The following C1GALT1 variants were observed in gnomAD, a reference collection of about 807,000 sequenced individuals.
C1GALT1 encodes the protein glycoprotein-N-acetylgalactosamine 3-beta-galactosyltransferase 1.
Under a neutral mutation model 31.0 loss-of-function variants are expected in C1GALT1, and 11 were observed. The observed-to-expected ratio is 0.36, with a 90% CI of 0.22 to 0.59. The LOEUF is 0.59. Among genes scored for constraint, C1GALT1 ranks in the 20% least tolerant of loss-of-function variants. The probability of loss-of-function intolerance (pLI) is 0.79; values close to 1 mark genes in which losing one functional copy is unlikely to be tolerated. For missense variants in C1GALT1, 424 were observed against 425.2 expected (o/e 1.00, Z 0.03); for synonymous variants, 175 against 143.6 (o/e 1.22, Z -1.56).
intron 2 of C1GALT1, among the ~76,000 whole-genome samples, chr7:7,170,486 A>G (rs1374148132): frequency 6.6e-6 from 1 of 152,206 alleles, no homozygotes; most frequent in East Asian, 1.9e-4. Flanking sequence ...TTTCATTATT[A>G]AACATCTTAT....
intron 1 of C1GALT1, among the ~76,000 whole-genome samples, chr7:7,187,293 A>G (rs905535821): frequency 2.0e-5 from 3 of 150,970 alleles, no homozygotes; most frequent in African/African-American, 7.3e-5. Flanking sequence ...TCTGTCGCCC[A>G]GGCTGGAGTG....
rs33962259 is a variant in C1GALT1 at position 7,206,676 on chromosome 7, C to CA, written c.-18+23870dup. On this transcript the variant is annotated intron_variant, in intron 1 of 3. Transcript: ENST00000436587. Reference sequence around the variant, plus strand: ...GGGCAACAAGAGCAAAACTCCGTCTCAAAAAAAAAAAAAAGAAGAGAATGT... The same window carrying CA: ...GGGCAACAAGAGCAAAACTCCGTCTCAAAAAAAAAAAAAAAGAAGAGAATGT... 1.3e-3 allele frequency among the ~76,000 whole-genome samples: 144 copies of CA among 114,584 alleles called. 1 individual carries two copies. Among genetic ancestry groups the CA allele is most frequent in the Middle Eastern group, 4.9e-3 (1 of 204 alleles). The allele number at this position is 114,584 out of a possible 152,430, so 75.2% of individuals were successfully genotyped here.
chr7:7,174,430 T>G (rs1780484284), intron 2 of C1GALT1, among the ~76,000 whole-genome samples: 1 of 152,206 alleles, frequency 6.6e-6, no homozygotes. Flanking sequence ...TTTAGTTTTG[T>G]AAGAAAACTG....
intron 1 of C1GALT1, among the ~76,000 whole-genome samples, chr7:7,217,615 A>T (rs554754345): frequency 6.7e-4 from 102 of 152,324 alleles, no homozygotes; most frequent in African/African-American, 2.4e-3. Flanking sequence ...TGAGAAAACT[A>T]TTGAAAACTT....
chr7:7,205,879 A>G (rs1204557740), intron 1 of C1GALT1, among the ~76,000 whole-genome samples: 2 of 152,194 alleles, frequency 1.3e-5, no homozygotes, highest in Non-Finnish European at 2.9e-5. Context: ...CCTTTTGATT[A>G]GAGTTTAACC....
At position 7,169,940 on chromosome 7, in the gene C1GALT1, C is replaced by T. The variant is rs1286971375; in HGVS notation, c.-18+12514C>T. On this transcript the variant is annotated intron_variant, in intron 2 of 3. Coordinates refer to the C1GALT1 transcript ENST00000429911. Reference sequence around the variant, plus strand: ...TTGAGAAGAATTGGTGTTAATTCTTCTTGAAATATTTGGCAAAGTTCACCA... The same window carrying T: ...TTGAGAAGAATTGGTGTTAATTCTTTTTGAAATATTTGGCAAAGTTCACCA... 4.6e-5 allele frequency among the ~76,000 whole-genome samples: 7 copies of T among 152,168 alleles called. No individual in the cohort carries two copies. The South Asian group carries it at 1.2e-3, about 27-fold the overall frequency.
intron 1 of C1GALT1, among the ~76,000 whole-genome samples, chr7:7,212,296 G>T (rs760692787): frequency 4.6e-5 from 7 of 151,888 alleles, no homozygotes; most frequent in Non-Finnish European, 7.4e-5. Flanking sequence ...TATGATGCCA[G>T]TTCTCCCAGG....
intron 2 of C1GALT1, among the ~76,000 whole-genome samples, chr7:7,165,936 C>T (rs1429448818): frequency 6.6e-6 from 1 of 152,044 alleles, no homozygotes; most frequent in Non-Finnish European, 1.5e-5. Context: ...ATGAAACATA[C>T]ATTTCATGTT....
chr7:7,238,385 A>C lies in C1GALT1; in HGVS notation c.351A>C (p.Lys117Asn). The C allele has an allele frequency of 6.2e-7, 1 of 1,614,122 alleles. No homozygotes were observed. Among genetic ancestry groups the C allele is most frequent in the Non-Finnish European group, 8.5e-7 (1 of 1,179,998 alleles). Residue 117 changes from lysine (K) to asparagine (N), a missense_variant, in exon 3 of 4, where the codon AAA becomes AAC. Around this residue, in one of 3 missense-constraint regions of C1GALT1, gnomAD observed 189 missense variants for 158.2 expected, o/e 1.19. Coordinates refer to ENST00000436587, the MANE Select transcript of C1GALT1 (RefSeq NM_020156.5). This position sits in a 1 kb window ranked among gnomAD's most constrained non-coding sequence, Gnocchi z 5.2. ...VKATWAQRCN[K>N]VLFMSSEENK... ...CTACTTGGGCCCAGCGTTGTAACAAAGTGTTGTTTATGAGTTCAGAAGAAA... is the reference window on the plus strand; with the variant it reads ...CTACTTGGGCCCAGCGTTGTAACAACGTGTTGTTTATGAGTTCAGAAGAAA...
At chr7:7,239,775 A>G (rs1363229253) in intron 3 of C1GALT1, among the ~76,000 whole-genome samples, 1 of 152,132 alleles carries the variant, frequency 6.6e-6, no homozygotes, top group Non-Finnish European at 1.5e-5. Context: ...TTTTTGCCAC[A>G]TTTGTTTCAG....
intron 1 of C1GALT1, among the ~76,000 whole-genome samples, chr7:7,232,534 C>G (rs1336267420): frequency 6.6e-6 from 1 of 150,734 alleles, no homozygotes; most frequent in East Asian, 2.0e-4. Flanking sequence ...GCTCTGTCAC[C>G]CAGGCTGTAA....
At chr7:7,231,563 A>T (rs1463749510) in intron 1 of C1GALT1, among the ~76,000 whole-genome samples, 6 of 151,934 alleles carry the variant, frequency 3.9e-5, no homozygotes, top group South Asian at 4.2e-4. Flanking sequence ...TAGGTTATTA[A>T]TTTTTTTCTT....
At chr7:7,201,409 C>T (rs1297157072) in intron 1 of C1GALT1, among the ~76,000 whole-genome samples, 1 of 152,146 alleles carries the variant, frequency 6.6e-6, no homozygotes, top group African/African-American at 2.4e-5. Context: ...TGCCAGTCGG[C>T]CCCTACTGGG....
rs909365263 is a variant in C1GALT1 at position 7,175,816 on chromosome 7, T to C, written c.-18+18390T>C. ...TGGTTTCTGCTGAGGGCTTTTTTTT[T>C]TCTGGTTTATAGATGATAGGCTTCT... is the stretch of plus-strand genomic sequence containing the variant. On this transcript the variant is annotated intron_variant, in intron 2 of 3. Transcript: ENST00000429911. Among the ~76,000 whole-genome samples, 3 of 152,174 alleles carry C rather than the reference T, an allele frequency of 2.0e-5. No individual in the cohort carries two copies. In the South Asian group the frequency reaches 6.2e-4, roughly 31 times the overall value.
intron 2 of C1GALT1, among the ~76,000 whole-genome samples, chr7:7,237,414 G>A (rs1783414854): frequency 6.6e-6 from 1 of 152,202 alleles, no homozygotes; most frequent in Non-Finnish European, 1.5e-5. Flanking sequence ...TTAAGTTTCA[G>A]TTTTAAGCTC....
Position 7,243,601 on chromosome 7 carries a change from C to T in C1GALT1, c.966C>T (p.Leu322=), listed in dbSNP as rs746319437. The T allele has an allele frequency of 9.9e-6, 16 of 1,612,470 alleles. No homozygotes were observed. The highest frequency in any genetic ancestry group is 3.3e-5 in the Admixed American group (2 of 59,782). ...DSTTMYELEY[L]VYHLRPYGYL... is the part of the protein sequence containing the mutation. ...CAACCATGTATGAGTTAGAATACCTCGTTTATCATCTTCGTCCATATGGTT... is the reference window on the plus strand; with the variant it reads ...CAACCATGTATGAGTTAGAATACCTTGTTTATCATCTTCGTCCATATGGTT... Residue 322 remains leucine, a synonymous_variant, in exon 4 of 4, where the codon CTC becomes CTT. Coordinates refer to ENST00000436587, the MANE Select transcript of C1GALT1 (RefSeq NM_020156.5).
At chr7:7,189,159 C>T (rs772949734) in intron 1 of C1GALT1, among the ~76,000 whole-genome samples, 15 of 152,070 alleles carry the variant, frequency 9.9e-5, no homozygotes, top group Non-Finnish European at 1.2e-4. Context: ...TTAACAGCTA[C>T]TACTATTCTA....
intron 1 of C1GALT1, among the ~76,000 whole-genome samples, chr7:7,194,698 TA>T (rs1375417748): frequency 6.6e-6 from 1 of 152,128 alleles, no homozygotes; most frequent in Non-Finnish European, 1.5e-5. Flanking sequence ...TAGAATGAAT[TA>T]GGGAGGGTTT....
At chr7:7,165,627 A>G (rs1466914191) in intron 2 of C1GALT1, among the ~76,000 whole-genome samples, 3 of 152,250 alleles carry the variant, frequency 2.0e-5, no homozygotes, top group South Asian at 2.1e-4. Flanking sequence ...ATGTACTGCT[A>G]TATCTTTTCT....
Sources: gnomAD v4.1 joint callset for allele counts (sites outside exome capture counted in the v4.1 genomes callset) on GRCh38, gnomAD v4.1.1 for gene constraint, gnomAD v4.1.1 regional missense constraint, Gnocchi (gnomAD v3.1) non-coding constraint, MANE v1.5 for transcripts, NCBI Gene and HGNC (gene_info 2026-07-23, HGNC 2026-07-21) for gene names.